Variants in PPP1R12B observed in about 807,000 individuals in gnomAD.
The protein encoded by PPP1R12B is myosin phosphatase target subunit 2.
A neutral mutation model predicts 126.1 loss-of-function variants in PPP1R12B; 76 were observed. The observed-to-expected ratio is 0.60, with a 90% CI of 0.50 to 0.73. The LOEUF is 0.73. Ranked by LOEUF, PPP1R12B falls within the 30% of genes least tolerant of loss-of-function variation. PPP1R12B has a pLI of 0.00. For synonymous variants in PPP1R12B, 356 were observed against 434.7 expected, an observed-to-expected ratio of 0.82 and a Z score of 2.25; for missense variants, 1,052 against 1,205.1, an observed-to-expected ratio of 0.87 and a Z score of 1.88.
At chr1:202,462,140 A>G (rs1421429373) in intron 13 of PPP1R12B, among the ~76,000 whole-genome samples, 1 of 152,180 alleles carries the variant, frequency 6.6e-6, no homozygotes, top group African/African-American at 2.4e-5. Flanking sequence ...AAAAATCTTT[A>G]AATGGTACAC....
At position 202,480,858 on chromosome 1, in the gene PPP1R12B, G is replaced by A. The variant is rs560531500; in HGVS notation, c.1851-7675G>A. On this transcript the variant is annotated intron_variant, in intron 13 of 23. Transcript: ENST00000608999. ...CTTTGAAAGTACAAGATAGACCAAA[G>A]GATTTCAATGTAACAGAATATGAAA... Among the ~76,000 whole-genome samples the A allele has an allele frequency of 1.2e-4, 19 of 152,218 alleles. No homozygotes were observed. The South Asian group carries it at 3.7e-3, about 30-fold the overall frequency.
intron 1 of PPP1R12B, among the ~76,000 whole-genome samples, chr1:202,385,600 A>G (rs998056158): frequency 3.3e-5 from 5 of 152,222 alleles, no homozygotes; most frequent in Non-Finnish European, 5.9e-5. Context: ...ATAGAATAAT[A>G]CAGCTGGAAG....
At chr1:202,383,199 A>G (rs1662621989) in intron 1 of PPP1R12B, among the ~76,000 whole-genome samples, 2 of 152,208 alleles carry the variant, frequency 1.3e-5, no homozygotes, top group African/African-American at 2.4e-5. Context: ...CCATCTTATT[A>G]AATTAAGAAG....
At chr1:202,541,731 A>G (rs1371489025) in intron 18 of PPP1R12B, among the ~76,000 whole-genome samples, 1 of 151,894 alleles carries the variant, frequency 6.6e-6, no homozygotes, top group Non-Finnish European at 1.5e-5. Context: ...ACCTTCCCCC[A>G]TTTTCCCTTT....
intron 18 of PPP1R12B, among the ~76,000 whole-genome samples, chr1:202,511,638 C>A (rs1162519583): frequency 6.6e-6 from 1 of 152,036 alleles, no homozygotes; most frequent in Non-Finnish European, 1.5e-5. Context: ...TGAGAACATA[C>A]GATATTTGGT....
chr1:202,484,773 C>T (rs1677849212), intron 13 of PPP1R12B, among the ~76,000 whole-genome samples: 1 of 152,108 alleles, frequency 6.6e-6, no homozygotes, highest in African/African-American at 2.4e-5. Flanking sequence ...TCTTGGCTGA[C>T]AGGTTCATTT....
At chr1:202,481,194 G>A (rs1288690377) in intron 13 of PPP1R12B, among the ~76,000 whole-genome samples, 4 of 152,180 alleles carry the variant, frequency 2.6e-5, no homozygotes, top group Non-Finnish European at 5.9e-5. Flanking sequence ...GCTGTACAGC[G>A]TGGTTCCTAA....
At position 202,589,954 on chromosome 1, in the gene PPP1R12B, C is replaced by T. The variant is rs1168901034; in HGVS notation, c.*9394C>T. On this transcript the variant is annotated 3_prime_UTR_variant, in exon 24 of 24. Coordinates refer to ENST00000608999, the MANE Select transcript of PPP1R12B (RefSeq NM_002481.4). ...CAAAAATGGTAGCTGCTGGTCTATC[C>T]TCAAGGAGAGGAGACAGGTGGAAGT... 1 of 152,236 alleles carries T rather than the reference C, an allele frequency of 6.6e-6. No individual in the cohort carries two copies. The highest frequency in any genetic ancestry group is 1.5e-5 in the Non-Finnish European group (1 of 68,088). 9.4% of individuals were successfully genotyped at this position (152,236 alleles called of 1,614,324 possible).
intron 18 of PPP1R12B, among the ~76,000 whole-genome samples, chr1:202,526,092 A>T (rs1168069083): frequency 6.6e-6 from 1 of 152,238 alleles, no homozygotes; most frequent in African/African-American, 2.4e-5. Flanking sequence ...GGAAGAATGG[A>T]GAACTGCTGT....
In PPP1R12B at chr1:202,425,587, G is replaced by C; in HGVS notation, c.563G>C (p.Arg188Thr). ...GTAGGAGTTGATCTAGAGCAGTCAAGAAAAGAAGAAGAGCAGCAGATGTTG... is the reference window on the plus strand; with the variant it reads ...GTAGGAGTTGATCTAGAGCAGTCAACAAAAGAAGAAGAGCAGCAGATGTTG... ...KKQGVDLEQS[R>T]KEEEQQMLQD... Residue 188 changes from arginine (R) to threonine (T), a missense_variant, in exon 4 of 24, where the codon AGA (arginine) becomes ACA (threonine). By Grantham distance (71) the Arg-to-Thr change is moderately conservative. Transcript: ENST00000608999. 3.1e-6 allele frequency: 5 copies of C among 1,613,974 alleles called. No homozygotes were observed. The highest frequency in any genetic ancestry group is 4.2e-6 in the Non-Finnish European group (5 of 1,179,868).
intron 18 of PPP1R12B, among the ~76,000 whole-genome samples, chr1:202,548,771 TCG>T (rs1476791030): frequency 4.2e-5 from 4 of 96,072 alleles, no homozygotes; most frequent in African/African-American, 1.3e-4. Flanking sequence ...GCTCACTCGC[TCG>T]CTGTCTCTCT....
intron 1 of PPP1R12B, among the ~76,000 whole-genome samples, chr1:202,353,586 T>TTGTGTGTGTGTGTGTGTGTG (rs58683662): frequency 1.7e-5 from 2 of 120,812 alleles, no homozygotes; most frequent in Non-Finnish European, 3.4e-5. Flanking sequence ...TTCTTCTTCT[T>TTGTGTGTGTGTGTGTGTGTG]TGTGTGTGTG....
rs182742918 is a variant in PPP1R12B, at chr1:202,482,306, C to T, written c.1851-6227C>T. ...GTTCTATTTTTACGTTTTAAAGGAA[C>T]CTCCATACTGTTTTCCACAATGGCT... On this transcript the variant is annotated intron_variant, in intron 13 of 23. Coordinates refer to ENST00000608999, the MANE Select transcript of PPP1R12B (RefSeq NM_002481.4). Among the ~76,000 whole-genome samples, 551 of 152,258 alleles carry T rather than the reference C, an allele frequency of 3.6e-3. 5 individuals are homozygous for T. The highest frequency in any genetic ancestry group is 4.9e-3 in the Non-Finnish European group (331 of 68,024).
chr1:202,380,923 G>A, intron 1 of PPP1R12B, among the ~76,000 whole-genome samples: 1 of 152,164 alleles, frequency 6.6e-6, no homozygotes, highest in East Asian at 1.9e-4. Flanking sequence ...TAATTAATTG[G>A]ATTGCACTGA....
intron 10 of PPP1R12B, chr1:202,438,602 C>T (rs1461774197): frequency 8.2e-6 from 4 of 484,868 alleles, no homozygotes; most frequent in African/African-American, 3.9e-5. Context: ...GAGTTCCTCG[C>T]TGCCATGGAG....
intron 1 of PPP1R12B, among the ~76,000 whole-genome samples, chr1:202,413,035 C>A (rs1034161826): frequency 6.6e-6 from 1 of 151,614 alleles, no homozygotes; most frequent in South Asian, 2.1e-4. Flanking sequence ...GTTGATAAAC[C>A]TAAGAAAACA....
At chr1:202,360,539 T>C (rs1218003114) in intron 1 of PPP1R12B, among the ~76,000 whole-genome samples, 1 of 151,970 alleles carries the variant, frequency 6.6e-6, no homozygotes, top group Non-Finnish European at 1.5e-5. Context: ...TGAAACCCTG[T>C]TTCTACCAAA....
chr1:202,564,393 G>A, intron 20 of PPP1R12B, 50 bp from the exon 21 acceptor site: 3 of 1,356,156 alleles, frequency 2.2e-6, no homozygotes, highest in Non-Finnish European at 3.1e-6. Flanking sequence ...GTGATGAAAT[G>A]GTGTGAGTTC....
intron 18 of PPP1R12B, among the ~76,000 whole-genome samples, chr1:202,534,964 A>G (rs889655566): frequency 5.9e-5 from 9 of 152,120 alleles, no homozygotes; most frequent in Non-Finnish European, 1.0e-4. Flanking sequence ...ATGCACATGC[A>G]TGTTAACCAA....
Sources: gnomAD v4.1 joint callset for allele counts (sites outside exome capture counted in the v4.1 genomes callset) on GRCh38, gnomAD v4.1.1 for gene constraint, MANE v1.5 for transcripts, NCBI Gene and HGNC (gene_info 2026-07-23, HGNC 2026-07-21) for gene names.